Variants in PPP2R1A observed in about 807,000 individuals in gnomAD.
PPP2R1A encodes protein phosphatase 2 scaffold subunit Aalpha.
PPP2R1A carries 15 observed loss-of-function variants against 67.1 expected under a neutral mutation model. That is an observed-to-expected ratio of 0.22 (90% CI 0.15 to 0.34). PPP2R1A has a LOEUF of 0.34. Among genes scored for constraint, PPP2R1A ranks in the 10% least tolerant of loss-of-function variants. The probability of loss-of-function intolerance (pLI) is 1.00; values close to 1 mark genes in which losing one functional copy is unlikely to be tolerated. For missense variants in PPP2R1A, 369 were observed against 775.0 expected, an observed-to-expected ratio of 0.48 and a Z score of 6.22; for synonymous variants, 337 against 325.0, an observed-to-expected ratio of 1.04 and a Z score of -0.40.
intron 13 of PPP2R1A, among the ~76,000 whole-genome samples, chr19:52,225,487 T>C (rs1309389694): frequency 1.3e-5 from 2 of 152,228 alleles, no homozygotes; most frequent in African/African-American, 4.8e-5. Context: ...TCTTCTCTTA[T>C]AGCTGTTTTG....
Position 52,215,909 on chromosome 19 carries a change from C to T in PPP2R1A, c.922+16C>T, listed in dbSNP as rs748715891. ...AAGGTCAAAGGTTGGTGCTGGCAGCCGGAACACAGCAAGTGGGGTGGGTAT... is the reference window on the plus strand; with the variant it reads ...AAGGTCAAAGGTTGGTGCTGGCAGCTGGAACACAGCAAGTGGGGTGGGTAT... On this transcript the variant is annotated intron_variant, in intron 7 of 14. Transcript: ENST00000322088. 6 of 1,613,352 alleles carry T rather than the reference C, an allele frequency of 3.7e-6. No individual in the cohort carries two copies. Among genetic ancestry groups the T allele is most frequent in the South Asian group, 2.2e-5 (2 of 91,076 alleles).
chr19:52,195,266 G>T (rs935680988), intron 1 of PPP2R1A, among the ~76,000 whole-genome samples: 3 of 152,158 alleles, frequency 2.0e-5, no homozygotes, highest in Admixed American at 6.5e-5. Context: ...GACACAGAGA[G>T]TCCCAGTCTA....
At chr19:52,198,572 A>G (rs8111131) in intron 1 of PPP2R1A, among the ~76,000 whole-genome samples, 94,814 of 151,958 alleles carry the variant, frequency 0.62, 30,154 homozygotes, top group African/African-American at 0.73. Context: ...TGAGCTATGG[A>G]GGAAGGGGCG....
intron 2 of PPP2R1A, among the ~76,000 whole-genome samples, chr19:52,202,661 A>C (rs531508853): frequency 1.4e-4 from 21 of 152,344 alleles, no homozygotes; most frequent in African/African-American, 3.6e-4. Context: ...GTAACTGAGA[A>C]GGGATATTTA....
chr19:52,221,787 ATAAC>A (rs1187529958), intron 12 of PPP2R1A, among the ~76,000 whole-genome samples: 2 of 152,222 alleles, frequency 1.3e-5, no homozygotes, highest in African/African-American at 2.4e-5. Flanking sequence ...AAAAATAAAT[ATAAC>A]TAAGTGTTCT....
At position 52,219,924 on chromosome 19, in the gene PPP2R1A, G is replaced by C. The variant is rs1978812901; in HGVS notation, c.1302+60G>C. The C allele has an allele frequency of 1.2e-5, 18 of 1,536,202 alleles. 1 individual carries two copies. The South Asian group carries it at 2.1e-4, about 18-fold the overall frequency. On this transcript the variant is annotated intron_variant, in intron 10 of 14. Coordinates refer to ENST00000322088, the MANE Select transcript of PPP2R1A (RefSeq NM_014225.6). The surrounding 1 kb of genome is among the most constrained non-coding windows in gnomAD (Gnocchi z 4.0). ...CCTCAGGGGAGGTGCAGTATGTCCAGGGCTGTGATGGGGAAACGGGGCTTT... is the reference window on the plus strand; with the variant it reads ...CCTCAGGGGAGGTGCAGTATGTCCACGGCTGTGATGGGGAAACGGGGCTTT...
At chr19:52,192,429 T>A (rs1246738204) in intron 1 of PPP2R1A, among the ~76,000 whole-genome samples, 1 of 151,954 alleles carries the variant, frequency 6.6e-6, no homozygotes, top group African/African-American at 2.4e-5. Context: ...TGCCTCAGCC[T>A]CTTGAGTAGC....
Position 52,220,273 on chromosome 19 carries a change from A to G in PPP2R1A, c.1363+24A>G, listed in dbSNP as rs1247254113. The G allele has an allele frequency of 2.4e-5, 39 of 1,610,822 alleles. 1 individual carries two copies. Among genetic ancestry groups the G allele is most frequent in the Non-Finnish European group, 3.2e-5 (38 of 1,177,490 alleles). On this transcript the variant is annotated intron_variant, in intron 11 of 14. Transcript: ENST00000322088. ...TGGTGAGTACCTTCACAGGAGCAGC[A>G]AGAGGAGATGGGAGCTCCAGAAAGG... is the stretch of plus-strand genomic sequence containing the variant.
chr19:52,207,644 G>A (rs1174859422), intron 3 of PPP2R1A, among the ~76,000 whole-genome samples: 3 of 152,210 alleles, frequency 2.0e-5, no homozygotes, highest in Non-Finnish European at 4.4e-5. Context: ...GATCAGAATA[G>A]CTTGTGCTTG....
chr19:52,218,258 C>T (rs1978702641), intron 9 of PPP2R1A, among the ~76,000 whole-genome samples: 2 of 152,126 alleles, frequency 1.3e-5, no homozygotes, highest in Admixed American at 1.3e-4. Context: ...CAGGCGCCCA[C>T]ACAGTCTGCT....
intron 1 of PPP2R1A, chr19:52,201,684 A>G: frequency 2.1e-6 from 1 of 479,720 alleles, no homozygotes. Flanking sequence ...GGTCCTGGAA[A>G]GTGCAACTGA....
intron 1 of PPP2R1A, chr19:52,200,950 A>ATAACTTTTTG (rs1312624143): frequency 4.7e-5 from 7 of 149,938 alleles, no homozygotes; most frequent in Admixed American, 1.3e-4. Flanking sequence ...CACTGGATTC[A>ATAACTTTTTG]AGGCTAACCC....
intron 1 of PPP2R1A, among the ~76,000 whole-genome samples, chr19:52,194,564 T>C (rs1329710731): frequency 2.0e-5 from 3 of 151,670 alleles, no homozygotes; most frequent in Non-Finnish European, 2.9e-5. Context: ...CCAGGACCAG[T>C]GTTAGCATGC....
At chr19:52,225,249 C>T (rs1247685021) in intron 13 of PPP2R1A, among the ~76,000 whole-genome samples, 2 of 151,686 alleles carry the variant, frequency 1.3e-5, no homozygotes, top group African/African-American at 4.8e-5. Flanking sequence ...CTCAAACTCC[C>T]AACCTCAGAT....
intron 3 of PPP2R1A, among the ~76,000 whole-genome samples, chr19:52,208,630 G>T (rs548115158): frequency 1.3e-5 from 2 of 152,130 alleles, no homozygotes; most frequent in Non-Finnish European, 2.9e-5. Context: ...CTCCCAAGTA[G>T]CTGGGATTAC....
At chr19:52,191,899 G>A (rs1356194454) in intron 1 of PPP2R1A, among the ~76,000 whole-genome samples, 1 of 152,108 alleles carries the variant, frequency 6.6e-6, no homozygotes, top group Non-Finnish European at 1.5e-5. Context: ...ATATTGAATT[G>A]GGCCTCTATT....
rs899027832 is a variant in PPP2R1A, at chr19:52,216,716, TCCTAGATTGCTAGGGTTTA to T, written c.1128+63_1128+81del. The stretch of plus-strand genomic sequence containing the variant: ...GTTTGTGGAGGGGACAGGCGGGTCT[TCCTAGATTGCTAGGGTTTA>T]CCTAGATTGACCAGGAATCTGCTGA... On this transcript the variant is annotated intron_variant, in intron 9 of 14. Transcript: ENST00000322088. This position sits in a 1 kb window ranked among gnomAD's most constrained non-coding sequence, Gnocchi z 4.3. 2.5e-6 allele frequency: 4 copies of T among 1,612,484 alleles called. No homozygotes were observed. The highest frequency in any genetic ancestry group is 1.7e-4 in the Middle Eastern group (1 of 6,058).
At chr19:52,193,464 G>T in intron 1 of PPP2R1A, among the ~76,000 whole-genome samples, 1 of 152,216 alleles carries the variant, frequency 6.6e-6, no homozygotes. Context: ...CCCTTGTGGG[G>T]TTTACATTCT....
At chr19:52,218,602 ATT>A (rs1179800645) in intron 9 of PPP2R1A, among the ~76,000 whole-genome samples, 1 of 150,108 alleles carries the variant, frequency 6.7e-6, no homozygotes, top group Non-Finnish European at 1.5e-5. Context: ...AGTTTTTATA[ATT>A]TTATAGATAT....
Sources: allele counts gnomAD v4.1 joint callset (sites outside exome capture counted in the v4.1 genomes callset), GRCh38; gene constraint gnomAD v4.1.1; non-coding constraint Gnocchi (gnomAD v3.1); transcripts MANE v1.5; gene names NCBI Gene and HGNC (gene_info 2026-07-23, HGNC 2026-07-21).